The following SGK1 variants were observed in gnomAD, a reference collection of about 807,000 sequenced individuals.
SGK1 encodes serine/threonine-protein kinase Sgk1.
A neutral mutation model predicts 64.2 loss-of-function variants in SGK1; 26 were observed. The observed-to-expected ratio is 0.40, with a 90% confidence interval of 0.30 to 0.56. The LOEUF is 0.56. Ranked by LOEUF, SGK1 falls within the 20% of genes least tolerant of loss-of-function variation. The probability of loss-of-function intolerance (pLI) is 0.38; values close to 1 mark genes in which losing one functional copy is unlikely to be tolerated. For missense variants in SGK1, 519 were observed against 645.6 expected, an observed-to-expected ratio of 0.80 and a Z score of 2.12; for synonymous variants, 265 against 239.7, an observed-to-expected ratio of 1.11 and a Z score of -0.98.
Position 134,240,849 on chromosome 6 carries a change from G to A in SGK1, c.285+21084C>T, listed in dbSNP as rs562304868. Among the ~76,000 whole-genome samples the A allele has an allele frequency of 7.9e-5, 12 of 152,284 alleles. No individual in the cohort carries two copies. In the South Asian group the frequency reaches 2.5e-3, roughly 32 times the overall value. ...GATGATGACAGTGAGGGCAGAGGAA[G>A]GGTGGGTGTGGTTGAGCAAAGTTGG... is the stretch of plus-strand genomic sequence containing the variant. On this transcript the variant is annotated intron_variant, in intron 2 of 13. Coordinates refer to ENST00000367858, the MANE Select transcript of SGK1 (RefSeq NM_001143676.3).
chr6:134,283,572 GCA>G (rs1279006868), intron 1 of SGK1, among the ~76,000 whole-genome samples: 1 of 151,896 alleles, frequency 6.6e-6, no homozygotes, highest in Non-Finnish European at 1.5e-5. Flanking sequence ...GTCTGGCCGG[GCA>G]CAGTGACTCA....
At chr6:134,303,260 C>A (rs1001073648) in intron 1 of SGK1, among the ~76,000 whole-genome samples, 7 of 151,948 alleles carry the variant, frequency 4.6e-5, no homozygotes, top group East Asian at 4.0e-4. Flanking sequence ...GGCGTGGTGG[C>A]AGGCGCCTGT....
intron 1 of SGK1, among the ~76,000 whole-genome samples, chr6:134,286,080 T>A (rs1777179306): frequency 6.6e-6 from 1 of 152,202 alleles, no homozygotes; most frequent in African/African-American, 2.4e-5. Context: ...CTGGAAGTAG[T>A]TTGTAGAGAG....
At chr6:134,218,443 T>C (rs1776024148) in intron 2 of SGK1, among the ~76,000 whole-genome samples, 1 of 148,792 alleles carries the variant, frequency 6.7e-6, no homozygotes, top group African/African-American at 2.5e-5. Flanking sequence ...TTTTCTTTTT[T>C]TTTTTTTTTT....
intron 1 of SGK1, chr6:134,283,144 G>A (rs1431974100): frequency 6.6e-6 from 1 of 152,274 alleles, no homozygotes; most frequent in East Asian, 1.9e-4. Flanking sequence ...ACCAATTACA[G>A]ATTTCTTTGT....
At position 134,305,603 on chromosome 6, in the gene SGK1, C is replaced by T. The variant is rs189665618; in HGVS notation, c.69+11789G>A. Among the ~76,000 whole-genome samples, 25 of 150,982 alleles carry T rather than the reference C, an allele frequency of 1.7e-4. No individual in the cohort carries two copies. In the East Asian group the frequency reaches 4.5e-3, roughly 27 times the overall value. ...AAAAAAAAAAATGTTATTTACAATA[C>T]AGATGTGTCTCAGATGATGGAATTT... On this transcript the variant is annotated intron_variant, in intron 1 of 13. Coordinates refer to ENST00000367858, the MANE Select transcript of SGK1 (RefSeq NM_001143676.3).
chr6:134,285,019 G>A (rs1196725432), intron 1 of SGK1, among the ~76,000 whole-genome samples: 2 of 152,042 alleles, frequency 1.3e-5, no homozygotes, highest in African/African-American at 2.4e-5. Context: ...TGTCTTTTTC[G>A]TGTAATGACT....
intron 1 of SGK1, among the ~76,000 whole-genome samples, chr6:134,293,612 G>A (rs7759960): frequency 6.6e-6 from 1 of 152,114 alleles, no homozygotes; most frequent in Admixed American, 6.5e-5. Context: ...TTACTAAAAG[G>A]AAGCAGACTT....
intron 1 of SGK1, among the ~76,000 whole-genome samples, chr6:134,266,823 T>C (rs1202300968): frequency 2.0e-5 from 3 of 152,192 alleles, no homozygotes; most frequent in African/African-American, 7.2e-5. Flanking sequence ...ACTAAATGTG[T>C]TTTTGATCAG....
At chr6:134,174,757 C>G in intron 3 of SGK1, 171 bp from the exon 4 acceptor site, 1 of 1,614,256 alleles carries the variant, frequency 6.2e-7, no homozygotes, top group Non-Finnish European at 8.5e-7. Context: ...CCATGCCCCT[C>G]ATCCTGGAGT....
At chr6:134,282,066 A>G (rs1306079599) in intron 1 of SGK1, among the ~76,000 whole-genome samples, 2 of 152,150 alleles carry the variant, frequency 1.3e-5, no homozygotes, top group East Asian at 3.9e-4. Flanking sequence ...TGGGTAGGTT[A>G]TATCAGTAGA....
chr6:134,205,363 A>G (rs1465610824), intron 3 of SGK1, among the ~76,000 whole-genome samples: 2 of 152,158 alleles, frequency 1.3e-5, no homozygotes, highest in African/African-American at 4.8e-5. Context: ...ATATAATAAA[A>G]CAAGACAGAA....
intron 3 of SGK1, chr6:134,175,915 G>A (rs1432804201): frequency 3.3e-6 from 4 of 1,208,978 alleles, no homozygotes; most frequent in South Asian, 3.0e-5. Context: ...AAAAGGGGGA[G>A]GGAGAGGTCA....
At chr6:134,244,922 C>A (rs1159508428) in intron 2 of SGK1, among the ~76,000 whole-genome samples, 1 of 152,176 alleles carries the variant, frequency 6.6e-6, no homozygotes, top group Non-Finnish European at 1.5e-5. Flanking sequence ...ATTACAGGCA[C>A]CCACCACCAT....
At chr6:134,316,641 A>T (rs1008537152) in intron 1 of SGK1, among the ~76,000 whole-genome samples, 1 of 149,870 alleles carries the variant, frequency 6.7e-6, no homozygotes, top group African/African-American at 2.4e-5. Context: ...ATGCAACATT[A>T]TTCATACTTT....
intron 11 of SGK1, chr6:134,171,381 G>T: frequency 1.6e-6 from 1 of 620,386 alleles, no homozygotes; most frequent in African/African-American, 1.8e-5. Flanking sequence ...TGTGGAGGGT[G>T]AGGGGGTAGA....
chr6:134,206,372 TATATATATATA>T (rs1421577003), intron 3 of SGK1, among the ~76,000 whole-genome samples: 69 of 6,534 alleles, frequency 0.011, 1 homozygote, highest in African/African-American at 0.02. Context: ...TATATATATA[TATATATATATA>T]TTTTTTTTTT....
intron 1 of SGK1, among the ~76,000 whole-genome samples, chr6:134,296,412 C>T (rs1334456834): frequency 6.6e-6 from 1 of 152,138 alleles, no homozygotes; most frequent in Non-Finnish European, 1.5e-5. Context: ...GTTAGGACTA[C>T]AGGCATATGC....
At chr6:134,271,061 C>T (rs2114759296) in intron 1 of SGK1, among the ~76,000 whole-genome samples, 1 of 147,522 alleles carries the variant, frequency 6.8e-6, no homozygotes, top group South Asian at 2.2e-4. Flanking sequence ...TCATGCCTGT[C>T]GTCCCAGTGC....
Sources: gnomAD v4.1 joint callset for allele counts (sites outside exome capture counted in the v4.1 genomes callset) on GRCh38, gnomAD v4.1.1 for gene constraint, MANE v1.5 for transcripts, NCBI Gene and HGNC (gene_info 2026-07-23, HGNC 2026-07-21) for gene names.